The following TRIM55 variants were observed in gnomAD, a reference collection of about 807,000 sequenced individuals.
TRIM55 encodes the protein tripartite motif containing 55, also known as tripartite motif-containing protein 55.
In TRIM55, 50 loss-of-function variants were observed where a neutral mutation model predicts 60.9. That is an observed-to-expected ratio of 0.82 (90% CI 0.65 to 1.04). TRIM55 has a LOEUF of 1.04. Among genes scored for constraint, TRIM55 ranks in the 50% least tolerant of loss-of-function variants. TRIM55 has a pLI of 0.00. For missense variants in TRIM55, 681 were observed against 666.9 expected (o/e 1.02, Z -0.23); for synonymous variants, 237 against 238.1 (o/e 1.00, Z 0.04).
chr8:66,164,688 C>T (rs1811224461), intron 9 of TRIM55, among the ~76,000 whole-genome samples: 1 of 152,184 alleles, frequency 6.6e-6, no homozygotes, highest in Non-Finnish European at 1.5e-5. Context: ...CCTTATGGCT[C>T]TTCACTCTCA....
intron 2 of TRIM55, among the ~76,000 whole-genome samples, chr8:66,130,909 C>A (rs1386886570): frequency 6.6e-6 from 1 of 151,976 alleles, no homozygotes; most frequent in Non-Finnish European, 1.5e-5. Context: ...GATCCACCCG[C>A]CTCGGCTTCC....
Position 66,128,322 on chromosome 8 carries a change from C to A in TRIM55, c.187C>A (p.Pro63Thr), listed in dbSNP as rs767274404. The A allele has an allele frequency of 6.2e-7, 1 of 1,607,728 alleles. No homozygotes were observed. The highest frequency in any genetic ancestry group is 1.1e-5 in the South Asian group (1 of 90,252). The change falls in exon 2 of 10, where the codon CCC becomes ACC. Residue 63 changes from proline (P) to threonine (T), a missense_variant. Transcript: ENST00000315962. ...AGAACAGGCCTCTAACCCGTATTTG[C>A]CCACAAGAGGAGGTACCACCATGGC... ...DIFQASNPYLPTRGGTTMASG... is the reference protein window; with the variant it reads ...DIFQASNPYLTTRGGTTMASG...
chr8:66,137,097 T>C lies in TRIM55; in HGVS notation c.510T>C (p.Ser170=), dbSNP rs1177319997. The C allele has an allele frequency of 1.2e-6, 2 of 1,613,924 alleles. No homozygotes were observed. Among genetic ancestry groups the C allele is most frequent in the South Asian group, 1.1e-5 (1 of 91,072 alleles). Residue 170 remains serine, a splice_region_variant and synonymous_variant, in exon 4 of 10, where the codon TCT becomes TCC. Coordinates refer to ENST00000315962, the MANE Select transcript of TRIM55 (RefSeq NM_184085.2). The stretch of plus-strand genomic sequence containing the variant: ...GGTTCATGTTTTCTCTTCATTAGTC[T>C]GAGCTCAGTGATGGCATCGCCATCC... ...PLTHVFQRQK[S]ELSDGIAILV...
chr8:66,134,064 C>T (rs1809333222), intron 2 of TRIM55, among the ~76,000 whole-genome samples: 1 of 152,116 alleles, frequency 6.6e-6, no homozygotes, highest in Non-Finnish European at 1.5e-5. Flanking sequence ...TTTGCTATTC[C>T]ATTCTATTTT....
chr8:66,160,116 C>G (rs1810964036), intron 9 of TRIM55, among the ~76,000 whole-genome samples: 1 of 151,874 alleles, frequency 6.6e-6, no homozygotes, highest in Non-Finnish European at 1.5e-5. Flanking sequence ...TACACTGTAC[C>G]CAATGTGTAG....
chr8:66,151,996 G>C (rs1810456537), intron 7 of TRIM55, among the ~76,000 whole-genome samples: 1 of 152,148 alleles, frequency 6.6e-6, no homozygotes, highest in Non-Finnish European at 1.5e-5. Flanking sequence ...CTGAGACAGG[G>C]AAGACAGTTG....
At chr8:66,164,463 C>A (rs1811212378) in intron 9 of TRIM55, among the ~76,000 whole-genome samples, 1 of 152,204 alleles carries the variant, frequency 6.6e-6, no homozygotes, top group Non-Finnish European at 1.5e-5. Flanking sequence ...CTGTCTAAAC[C>A]AGTTTCCACA....
At chr8:66,150,288 A>T (rs1302161468) in intron 6 of TRIM55, 49 bp downstream of exon 6, 6 of 1,613,772 alleles carry the variant, frequency 3.7e-6, no homozygotes, top group Non-Finnish European at 5.1e-6. Flanking sequence ...ACCTTTACCC[A>T]AGGCTATCCA....
At chr8:66,149,257 T>C (rs1478353208) in intron 4 of TRIM55, among the ~76,000 whole-genome samples, 1 of 152,110 alleles carries the variant, frequency 6.6e-6, no homozygotes, top group East Asian at 1.9e-4. Context: ...CCAGGAAGTA[T>C]CATAGTATTT....
chr8:66,164,646 G>T (rs1364333811), intron 9 of TRIM55, among the ~76,000 whole-genome samples: 1 of 152,138 alleles, frequency 6.6e-6, no homozygotes, highest in Non-Finnish European at 1.5e-5. Context: ...TTATCTCAGA[G>T]ACAGCCTCAG....
chr8:66,117,429 ATT>A, the TRIM55 span, among the ~76,000 whole-genome samples: 1 of 152,240 alleles, frequency 6.6e-6, no homozygotes, highest in Non-Finnish European at 1.5e-5. Flanking sequence ...ATACAATAAT[ATT>A]TTTATTTATT....
chr8:66,113,395 G>A, the TRIM55 span: 1 of 410,952 alleles, frequency 2.4e-6, no homozygotes, highest in South Asian at 1.8e-5. Context: ...GTAGAGCGGA[G>A]GACTGTAGCT....
intron 8 of TRIM55, 116 bp from the exon 9 acceptor site, chr8:66,153,931 A>G: frequency 4.0e-6 from 4 of 1,003,868 alleles, no homozygotes; most frequent in Non-Finnish European, 5.7e-6. Flanking sequence ...CCACCAAGGC[A>G]CTGCATGCAG....
intron 4 of TRIM55, among the ~76,000 whole-genome samples, chr8:66,138,847 G>A (rs953452935): frequency 3.3e-5 from 5 of 152,244 alleles, no homozygotes; most frequent in African/African-American, 1.2e-4. Flanking sequence ...TGCCTGGCAT[G>A]TGGTGAGTGT....
intron 9 of TRIM55, among the ~76,000 whole-genome samples, chr8:66,162,179 T>C (rs1036276730): frequency 2.6e-5 from 4 of 152,172 alleles, no homozygotes; most frequent in East Asian, 1.9e-4. Context: ...TTTTATTACC[T>C]TAAGGTATGT....
chr8:66,147,000 C>T (rs1810127819), intron 4 of TRIM55, among the ~76,000 whole-genome samples: 1 of 152,202 alleles, frequency 6.6e-6, no homozygotes, highest in South Asian at 2.1e-4. Flanking sequence ...CCTGAGTCAA[C>T]ATTTCTGGCT....
intron 2 of TRIM55, among the ~76,000 whole-genome samples, chr8:66,129,528 A>G (rs570231378): frequency 6.6e-6 from 1 of 152,312 alleles, no homozygotes; most frequent in South Asian, 2.1e-4. Flanking sequence ...ACTAAATTAG[A>G]CAGTACCAGG....
rs1809071900 is a variant in TRIM55 at position 66,130,440 on chromosome 8, C to A, written c.341+1964C>A. 1.3e-5 allele frequency among the ~76,000 whole-genome samples: 2 copies of A among 152,106 alleles called. 1 individual carries two copies. The highest frequency in any genetic ancestry group is 4.1e-4 in the South Asian group (2 of 4,826). The stretch of plus-strand genomic sequence containing the variant: ...CATGTCTGGGAGGAAACGCAGTTGT[C>A]CCCTGGGGGCAGACAGCCTTACTAG... On this transcript the variant is annotated intron_variant, in intron 2 of 9. Coordinates refer to ENST00000315962, the MANE Select transcript of TRIM55 (RefSeq NM_184085.2).
intron 9 of TRIM55, among the ~76,000 whole-genome samples, chr8:66,169,580 G>T (rs1376856208): frequency 1.3e-5 from 2 of 152,204 alleles, no homozygotes; most frequent in African/African-American, 4.8e-5. Context: ...TAACATGAAT[G>T]AAAAAGCAGG....
Sources: allele counts gnomAD v4.1 joint callset (sites outside exome capture counted in the v4.1 genomes callset), GRCh38; gene constraint gnomAD v4.1.1; transcripts MANE v1.5; gene names NCBI Gene and HGNC (gene_info 2026-07-23, HGNC 2026-07-21).